RBMS3: variants seen among roughly 807,000 people sequenced by gnomAD.
RBMS3 encodes RNA binding motif single stranded interacting protein 3.
Under a neutral mutation model 66.8 loss-of-function variants are expected in RBMS3, and 27 were observed. The observed-to-expected ratio is 0.40, with a 90% CI of 0.30 to 0.56. RBMS3 has a LOEUF of 0.56. RBMS3 is among the 20% of genes least tolerant of loss of function. The pLI, the probability that RBMS3 is intolerant of heterozygous loss-of-function variation, is 0.40. For missense variants in RBMS3, 513 were observed against 549.5 expected (o/e 0.93, Z 0.66); for synonymous variants, 188 against 183.0 (o/e 1.03, Z -0.22).
intron 12 of RBMS3, among the ~76,000 whole-genome samples, chr3:29,987,417 T>A (rs891861155): frequency 2.6e-5 from 4 of 152,184 alleles, no homozygotes; most frequent in Non-Finnish European, 5.9e-5. Flanking sequence ...CAACTTATCC[T>A]CAATACATAA....
intron 4 of RBMS3, among the ~76,000 whole-genome samples, chr3:29,665,851 A>C (rs1461383692): frequency 6.6e-6 from 1 of 152,202 alleles, no homozygotes; most frequent in Admixed American, 6.5e-5. Flanking sequence ...AAAGTTTCTA[A>C]TCTTAATTAA....
chr3:29,881,482 A>G (rs920759138), intron 7 of RBMS3, among the ~76,000 whole-genome samples: 11 of 152,202 alleles, frequency 7.2e-5, no homozygotes, highest in African/African-American at 2.4e-4. Flanking sequence ...AATAGGTTAA[A>G]TAATTTGCCC....
chr3:29,739,991 T>A (rs1041781991), intron 5 of RBMS3, 114 bp downstream of exon 5: 85 of 628,504 alleles, frequency 1.4e-4, no homozygotes, highest in South Asian at 3.3e-4. Context: ...AAAAAAAAAA[T>A]TAAAAGTAGC....
chr3:29,544,699 A>ATC (rs1553619033), intron 3 of RBMS3, among the ~76,000 whole-genome samples: 1 of 150,664 alleles, frequency 6.6e-6, no homozygotes, highest in African/African-American at 2.5e-5. Flanking sequence ...TGAAATGTAA[A>ATC]TGTGTGTGTG....
At chr3:29,853,423 C>CTTTTTT (rs71091081) in intron 6 of RBMS3, among the ~76,000 whole-genome samples, 1,456 of 84,446 alleles carry the variant, frequency 0.017, 120 homozygotes, top group African/African-American at 0.055. Flanking sequence ...AATTTACTTT[C>CTTTTTT]TTTTTTTTTT....
intron 2 of RBMS3, among the ~76,000 whole-genome samples, chr3:29,448,018 G>C (rs1018893691): frequency 6.6e-6 from 1 of 152,154 alleles, no homozygotes; most frequent in Non-Finnish European, 1.5e-5. Context: ...CCAAATTTAA[G>C]ATAAAGAATG....
intron 3 of RBMS3, among the ~76,000 whole-genome samples, chr3:29,511,623 A>G (rs1480602798): frequency 6.6e-6 from 1 of 152,200 alleles, no homozygotes; most frequent in African/African-American, 2.4e-5. Context: ...CAGGCAAAAG[A>G]GTTTGAATCA....
chr3:29,546,280 A>G (rs2045945832), intron 3 of RBMS3, among the ~76,000 whole-genome samples: 1 of 152,176 alleles, frequency 6.6e-6, no homozygotes, highest in Non-Finnish European at 1.5e-5. Flanking sequence ...TTTATGGAAC[A>G]GAATGAGGCA....
chr3:29,907,879 C>T (rs916243848), intron 10 of RBMS3, among the ~76,000 whole-genome samples: 6 of 151,928 alleles, frequency 3.9e-5, no homozygotes, highest in African/African-American at 1.5e-4. Flanking sequence ...TTTACCAAAT[C>T]CAGTTTAAAA....
chr3:29,925,795 T>C (rs1312691346), intron 10 of RBMS3, among the ~76,000 whole-genome samples: 2 of 152,172 alleles, frequency 1.3e-5, no homozygotes, highest in Non-Finnish European at 2.9e-5. Flanking sequence ...TCCCTGATGA[T>C]AGTATCCAGT....
intron 2 of RBMS3, among the ~76,000 whole-genome samples, chr3:29,472,300 C>A (rs538935380): frequency 1.3e-5 from 2 of 151,564 alleles, no homozygotes; most frequent in East Asian, 3.9e-4. Context: ...CCGGTTCAAG[C>A]GATTCCCGCC....
At chr3:29,799,909 A>AGTTAGCTGGTATATT (rs1447856281) in intron 6 of RBMS3, among the ~76,000 whole-genome samples, 1 of 152,120 alleles carries the variant, frequency 6.6e-6, no homozygotes, top group East Asian at 1.9e-4. Flanking sequence ...AGGTGGGAAA[A>AGTTAGCTGGTATATT]GTTAGCTGGT....
chr3:29,925,383 G>A (rs1559805882), intron 10 of RBMS3: 1 of 152,084 alleles, frequency 6.6e-6, no homozygotes, highest in Non-Finnish European at 1.5e-5. Flanking sequence ...TGGAAAGAAT[G>A]GAGGTTTCAG....
chr3:29,659,657 T>C (rs912464147), intron 4 of RBMS3, among the ~76,000 whole-genome samples: 3 of 152,228 alleles, frequency 2.0e-5, no homozygotes, highest in African/African-American at 7.2e-5. Flanking sequence ...CTTCCATGTT[T>C]TGGCTATTGT....
intron 1 of RBMS3, among the ~76,000 whole-genome samples, chr3:29,313,698 A>G (rs2034512243): frequency 1.3e-5 from 2 of 151,708 alleles, no homozygotes; most frequent in African/African-American, 4.8e-5. Flanking sequence ...GGTTGTCAAT[A>G]TTTGTTAAAA....
intron 4 of RBMS3, among the ~76,000 whole-genome samples, chr3:29,639,048 A>AT (rs1559528521): frequency 6.6e-6 from 1 of 151,680 alleles, no homozygotes. Context: ...CAAATTTCAA[A>AT]TTATTTACTC....
intron 1 of RBMS3, chr3:29,391,220 G>C (rs1243765620): frequency 6.4e-6 from 1 of 156,252 alleles, no homozygotes; most frequent in Admixed American, 6.5e-5. Flanking sequence ...TGCCAGAAAT[G>C]AACAAATAAA....
At chr3:29,480,020 G>C (rs9866782) in intron 2 of RBMS3, among the ~76,000 whole-genome samples, 1,586 of 152,308 alleles carry the variant, frequency 0.01, 26 homozygotes, top group African/African-American at 0.033. Context: ...GGCGAAGATG[G>C]TGAGTTGAAC....
intron 3 of RBMS3, among the ~76,000 whole-genome samples, chr3:29,538,615 T>C (rs897594098): frequency 2.6e-5 from 4 of 152,230 alleles, no homozygotes; most frequent in African/African-American, 9.6e-5. Context: ...AACAGTGTTA[T>C]GGGTAGATTT....
Sources: allele counts gnomAD v4.1 joint callset (sites outside exome capture counted in the v4.1 genomes callset), GRCh38; gene constraint gnomAD v4.1.1; transcripts MANE v1.5; gene names NCBI Gene and HGNC (gene_info 2026-07-23, HGNC 2026-07-21).